The following SLMAP variants were observed in gnomAD, a reference collection of about 807,000 sequenced individuals.
SLMAP encodes the protein sarcolemma associated protein.
Under a neutral mutation model 128.8 loss-of-function variants are expected in SLMAP, and 44 were observed. That is an observed-to-expected ratio of 0.34 (90% confidence interval 0.27 to 0.44). The LOEUF is 0.44. Ranked by LOEUF, SLMAP falls within the 20% of genes least tolerant of loss-of-function variation. The pLI, the probability that SLMAP is intolerant of heterozygous loss-of-function variation, is 1.00. For missense variants in SLMAP, 787 were observed against 985.3 expected (o/e 0.80, Z 2.69); for synonymous variants, 327 against 348.8 (o/e 0.94, Z 0.70).
chr3:57,839,634 C>T, intron 3 of SLMAP, among the ~76,000 whole-genome samples: 1 of 151,574 alleles, frequency 6.6e-6, no homozygotes, highest in Non-Finnish European at 1.5e-5. Context: ...GATGGAGTCT[C>T]ACTCTGTCGC....
chr3:57,769,646 T>G (rs986692073), intron 2 of SLMAP, among the ~76,000 whole-genome samples: 1 of 152,132 alleles, frequency 6.6e-6, no homozygotes. Context: ...TTAGATGAAG[T>G]AATAGCTTAG....
chr3:57,892,660 T>A (rs920189187), intron 15 of SLMAP, among the ~76,000 whole-genome samples: 1 of 151,974 alleles, frequency 6.6e-6, no homozygotes, highest in Admixed American at 6.6e-5. Flanking sequence ...AAACTTGCTT[T>A]CTGGCCAACC....
chr3:57,778,656 C>T lies in SLMAP; in HGVS notation c.198+20807C>T, dbSNP rs114128476. On this transcript the variant is annotated intron_variant, in intron 2 of 24. Coordinates refer to ENST00000671191, the MANE Select transcript of SLMAP (RefSeq NM_001377540.1). ...GTGGTGCAATCATAGCTCACCACAG[C>T]CTCAAACTCTTGGGCTCAAGCAATC... Among the ~76,000 whole-genome samples, 250 of 149,560 alleles carry T rather than the reference C, an allele frequency of 1.7e-3. 1 individual carries two copies. The highest frequency in any genetic ancestry group is 5.9e-3 in the African/African-American group (240 of 40,706).
At chr3:57,892,519 G>T (rs1311438616) in intron 15 of SLMAP, among the ~76,000 whole-genome samples, 1 of 152,140 alleles carries the variant, frequency 6.6e-6, no homozygotes, top group Non-Finnish European at 1.5e-5. Flanking sequence ...TCCCTCACTT[G>T]TGAAGTGAGA....
At chr3:57,851,599 A>G (rs1262214821) in intron 6 of SLMAP, among the ~76,000 whole-genome samples, 1 of 151,286 alleles carries the variant, frequency 6.6e-6, no homozygotes. Flanking sequence ...CAGTCTCCCG[A>G]GTAGCTGGAA....
chr3:57,845,619 C>T (rs1560209463), intron 4 of SLMAP, among the ~76,000 whole-genome samples: 1 of 152,034 alleles, frequency 6.6e-6, no homozygotes, highest in South Asian at 2.1e-4. Flanking sequence ...AGAGGTCATG[C>T]GTGGTAGCCT....
intron 3 of SLMAP, among the ~76,000 whole-genome samples, chr3:57,832,453 C>T (rs1378859444): frequency 2.6e-5 from 4 of 152,172 alleles, no homozygotes; most frequent in African/African-American, 7.2e-5. Context: ...AATTCAGAAG[C>T]TTCCTGCCTC....
chr3:57,865,297 T>C lies in SLMAP; in HGVS notation c.1237+5T>C. 1 of 1,299,110 alleles carries C rather than the reference T, an allele frequency of 7.7e-7. No homozygotes were observed. The highest frequency in any genetic ancestry group is 1.1e-6 in the Non-Finnish European group (1 of 929,436). The allele number at this position is 1,299,110 out of a possible 1,614,324, so 80.5% of individuals were successfully genotyped here. A position where few individuals can be genotyped will look rare whatever the true frequency, so the allele number is the denominator to read the frequency against. The stretch of plus-strand genomic sequence containing the variant: ...TAAATGGGAGCACAGAAAAAGGTAG[T>C]GTAAAAAACTTAAATATATATATAC... On this transcript the variant is annotated splice_donor_5th_base_variant and intron_variant, in intron 13 of 24. Transcript: ENST00000671191.
At chr3:57,908,077 C>T (rs2096610609) in intron 18 of SLMAP, 71 bp downstream of exon 18, 1 of 1,470,084 alleles carries the variant, frequency 6.8e-7, no homozygotes, top group African/African-American at 1.4e-5. Context: ...TGGCCCCAAA[C>T]TTGGAGTCCG....
intron 2 of SLMAP, among the ~76,000 whole-genome samples, chr3:57,792,876 A>G (rs149489005): frequency 0.018 from 2,770 of 152,110 alleles, 76 homozygotes; most frequent in African/African-American, 0.063. Context: ...GGTGACTCAC[A>G]CCTGTAATCC....
chr3:57,845,105 A>G (rs943524020), intron 4 of SLMAP, among the ~76,000 whole-genome samples: 4 of 152,152 alleles, frequency 2.6e-5, no homozygotes, highest in African/African-American at 9.7e-5. Context: ...TCCATAATCA[A>G]TATTTGTTAT....
At chr3:57,803,293 T>G (rs915547542) in intron 2 of SLMAP, among the ~76,000 whole-genome samples, 2 of 152,000 alleles carry the variant, frequency 1.3e-5, no homozygotes, top group African/African-American at 2.4e-5. Context: ...GGCCAAGGAG[T>G]TAAGTAGTCA....
chr3:57,757,573 T>C lies in SLMAP; in HGVS notation c.-79T>C. 2.2e-6 allele frequency: 3 copies of C among 1,394,880 alleles called. No individual in the cohort carries two copies. The highest frequency in any genetic ancestry group is 3.0e-6 in the Non-Finnish European group (3 of 993,426). The allele number at this position is 1,394,880 out of a possible 1,614,324, so 86.4% of individuals were successfully genotyped here. A position where few individuals can be genotyped will look rare whatever the true frequency, so the allele number is the denominator to read the frequency against. ...TAAAATTTTGGGTGGGATAGGGGCATAGGCTTGTGAAGGGCAGTCCGGATC... is the reference window on the plus strand; with the variant it reads ...TAAAATTTTGGGTGGGATAGGGGCACAGGCTTGTGAAGGGCAGTCCGGATC... On this transcript the variant is annotated 5_prime_UTR_variant, in exon 2 of 25. Transcript: ENST00000671191.
chr3:57,852,669 T>C (rs2153582915), intron 6 of SLMAP, among the ~76,000 whole-genome samples: 1 of 152,376 alleles, frequency 6.6e-6, no homozygotes, highest in Non-Finnish European at 1.5e-5. Flanking sequence ...GGAAGAAAAC[T>C]TTGAGATTAA....
chr3:57,922,052 C>A (rs151261490), intron 22 of SLMAP, among the ~76,000 whole-genome samples: 5 of 152,234 alleles, frequency 3.3e-5, no homozygotes, highest in Admixed American at 3.3e-4. Flanking sequence ...TCATAGTGGT[C>A]GGTACTTCAG....
At chr3:57,772,832 G>A (rs892844391) in intron 2 of SLMAP, among the ~76,000 whole-genome samples, 12 of 151,906 alleles carry the variant, frequency 7.9e-5, no homozygotes, top group Non-Finnish European at 1.2e-4. Flanking sequence ...TAGAGACAGG[G>A]TTTCTCCATG....
chr3:57,917,313 T>C (rs2096833019), intron 22 of SLMAP: 8 of 1,035,044 alleles, frequency 7.7e-6, no homozygotes, highest in Non-Finnish European at 1.1e-5. Flanking sequence ...ATTTTAATTT[T>C]TCTCTACCAG....
intron 2 of SLMAP, among the ~76,000 whole-genome samples, chr3:57,816,654 G>T (rs2091895830): frequency 6.6e-6 from 1 of 152,196 alleles, no homozygotes; most frequent in African/African-American, 2.4e-5. Context: ...GAAAAGATCA[G>T]ATTATAGTGC....
At position 57,855,998 on chromosome 3, in the gene SLMAP, G is replaced by A. The variant is rs549855275; in HGVS notation, c.520-1735G>A. Among the ~76,000 whole-genome samples the A allele has an allele frequency of 2.6e-4, 40 of 151,698 alleles. No homozygotes were observed. In the South Asian group the frequency reaches 6.3e-3, roughly 24 times the overall value. ...GCGGAGGTTGCAGTGAGCCAAGATC[G>A]CGCCATTGCACTCCAGCCTGGGCAA... On this transcript the variant is annotated intron_variant, in intron 6 of 24. Transcript: ENST00000671191.
Sources: allele counts gnomAD v4.1 joint callset (sites outside exome capture counted in the v4.1 genomes callset), GRCh38; gene constraint gnomAD v4.1.1; transcripts MANE v1.5; gene names NCBI Gene and HGNC (gene_info 2026-07-23, HGNC 2026-07-21).